Variants in RIF1 observed in about 807,000 individuals in gnomAD.
The protein encoded by RIF1 is replication timing regulatory factor 1, also known as telomere-associated protein RIF1.
In RIF1, 45 loss-of-function variants were observed where a neutral mutation model predicts 247.1. The ratio of observed to expected loss-of-function variants is 0.18; its 90% CI spans 0.14 to 0.23. RIF1 has a LOEUF of 0.23. RIF1 is among the 10% of genes least tolerant of loss of function. RIF1 has a pLI of 1.00. For missense variants in RIF1, 2,967 were observed against 2,862.5 expected (o/e 1.04, Z -0.83); for synonymous variants, 1,087 against 978.8 (o/e 1.11, Z -2.06).
intron 19 of RIF1, among the ~76,000 whole-genome samples, chr2:151,445,991 A>G (rs564472601): frequency 1.9e-4 from 29 of 152,234 alleles, no homozygotes; most frequent in African/African-American, 6.5e-4. Context: ...TGTGGGGGAA[A>G]GGTTATTACC....
intron 10 of RIF1, chr2:151,495,414 C>T (rs2059533749): frequency 1.3e-5 from 2 of 151,694 alleles, no homozygotes; most frequent in Admixed American, 6.6e-5. Context: ...CAGGACCCAG[C>T]AATCTGGCTT....
At chr2:151,414,792 G>C (rs1387766536) in intron 3 of RIF1, 31 bp from the exon 4 acceptor site, 1 of 1,498,216 alleles carries the variant, frequency 6.7e-7, no homozygotes, top group East Asian at 2.3e-5. Flanking sequence ...AGTTGTGCTT[G>C]TTTGTAATAA....
chr2:151,460,768 A>T (rs953968187), intron 26 of RIF1, among the ~76,000 whole-genome samples: 2 of 152,232 alleles, frequency 1.3e-5, no homozygotes, highest in African/African-American at 4.8e-5. Context: ...AGTTACTTGT[A>T]TGTAGGGCAT....
chr2:151,435,725 G>T, intron 11 of RIF1, 145 bp downstream of exon 11: 5 of 535,736 alleles, frequency 9.3e-6, no homozygotes, highest in South Asian at 3.3e-5. Flanking sequence ...TAATTTTTAG[G>T]TTCATTACCA....
In RIF1 at chr2:151,438,752, C is replaced by T; in HGVS notation, c.1546+6C>T. On this transcript the variant is annotated splice_donor_region_variant and intron_variant, in intron 14 of 35. Coordinates refer to ENST00000444746, the MANE Select transcript of RIF1 (RefSeq NM_018151.5). ...GAAGTCAGTTACTGAATCAGGTAAG[C>T]ACTATTACACTGATCAAATGTTGTT... is the stretch of plus-strand genomic sequence containing the variant. The T allele has an allele frequency of 6.3e-7, 1 of 1,580,450 alleles. No homozygotes were observed. Among genetic ancestry groups the T allele is most frequent in the Non-Finnish European group, 8.7e-7 (1 of 1,149,570 alleles).
chr2:151,462,648 AGTGTGTGTGT>A (rs112752759), intron 29 of RIF1, among the ~76,000 whole-genome samples, 182 bp downstream of exon 29: 4 of 150,734 alleles, frequency 2.7e-5, no homozygotes, highest in African/African-American at 9.7e-5. Flanking sequence ...GACACTAGTC[AGTGTGTGTGT>A]GTGTGTGTGT....
At chr2:151,527,787 C>T in the RIF1 span, among the ~76,000 whole-genome samples, 7 of 152,238 alleles carry the variant, frequency 4.6e-5, no homozygotes, top group East Asian at 1.2e-3. Flanking sequence ...CCTGTGGTCC[C>T]GAAATAGAGG....
chr2:151,431,278 A>G (rs1013136393), intron 9 of RIF1, among the ~76,000 whole-genome samples: 1 of 152,150 alleles, frequency 6.6e-6, no homozygotes, highest in Non-Finnish European at 1.5e-5. Context: ...TTCACAGCTT[A>G]CTCACCTATA....
chr2:151,465,714 A>G lies in RIF1; in HGVS notation c.6194A>G (p.Asn2065Ser), dbSNP rs1254612122. ...AACATGTTGACTGCAGAAATGGACA[A>G]CTTTGTTTGTGACACAGTTGAAATG... ...ETNMLTAEMD[N>S]FVCDTVEMST... is the part of the protein sequence containing the mutation. The change falls in exon 30 of 36, where the codon AAC becomes AGC. Residue 2065 changes from asparagine to serine, a missense_variant. Asn to Ser is a conservative substitution (Grantham distance 46). Coordinates refer to ENST00000444746, the MANE Select transcript of RIF1 (RefSeq NM_018151.5). 3 of 1,614,228 alleles carry G rather than the reference A, an allele frequency of 1.9e-6. No individual in the cohort carries two copies. Among genetic ancestry groups the G allele is most frequent in the South Asian group, 2.2e-5 (2 of 91,088 alleles).
intron 20 of RIF1, among the ~76,000 whole-genome samples, chr2:151,448,954 T>C (rs1263566689): frequency 2.6e-5 from 4 of 152,204 alleles, no homozygotes; most frequent in African/African-American, 9.6e-5. Flanking sequence ...TTTCACAAAA[T>C]ACCCTGTTGA....
intron 8 of RIF1, among the ~76,000 whole-genome samples, chr2:151,425,590 G>A (rs887947941): frequency 6.6e-6 from 1 of 150,426 alleles, no homozygotes; most frequent in Non-Finnish European, 1.5e-5. Flanking sequence ...TCATCCTTTT[G>A]CATGCAGATG....
Position 151,493,861 on chromosome 2 carries a change from A to G in RIF1, c.*416-1368A>G, listed in dbSNP as rs757420871. ...GTTGCTTTCCCCAGGTTCTCTTTGT[A>G]TAACACCTGTGAGATACAAAGTCAT... On this transcript the variant is annotated intron_variant and NMD_transcript_variant, in intron 9 of 13. Coordinates refer to the RIF1 transcript ENST00000454583. 2.6e-6 allele frequency: 4 copies of G among 1,556,140 alleles called. No individual in the cohort carries two copies. Among genetic ancestry groups the G allele is most frequent in the African/African-American group, 2.7e-5 (2 of 73,176 alleles).
the RIF1 span, chr2:151,531,834 T>C: frequency 1.9e-6 from 3 of 1,613,076 alleles, no homozygotes; most frequent in Admixed American, 3.3e-5. Flanking sequence ...GCAGGTGTTC[T>C]GGAGTATCCA....
At chr2:151,525,088 G>A in the RIF1 span, 5 of 1,050,584 alleles carry the variant, frequency 4.8e-6, no homozygotes, top group Non-Finnish European at 7.4e-6. Flanking sequence ...ACCACACACT[G>A]GAACAAGAGA....
chr2:151,488,238 G>C (rs2052767567), intron 9 of RIF1, among the ~76,000 whole-genome samples: 1 of 152,024 alleles, frequency 6.6e-6, no homozygotes, highest in Admixed American at 6.6e-5. Flanking sequence ...CTCCCAGTCT[G>C]ACATGTTTGT....
intron 13 of RIF1, chr2:151,507,651 G>C: frequency 4.4e-6 from 1 of 226,042 alleles, no homozygotes; most frequent in Admixed American, 5.1e-5. Flanking sequence ...ATATTTCCCT[G>C]TTTCTTTGGG....
rs753684965 is a variant in RIF1, at chr2:151,468,621, C to T, written c.6826-20C>T. The T allele has an allele frequency of 5.3e-5, 86 of 1,607,736 alleles. No homozygotes were observed. The highest frequency in any genetic ancestry group is 7.1e-5 in the Non-Finnish European group (83 of 1,174,360). On this transcript the variant is annotated intron_variant, in intron 32 of 35. Transcript: ENST00000444746. ...CAGTCAGTTGACCTCTGTGTAACAG[C>T]TTCTGAAATTTATTCTAAGATTTCA...
intron 19 of RIF1, 107 bp downstream of exon 19, chr2:151,445,552 T>C (rs1417870568): frequency 2.8e-6 from 2 of 712,630 alleles, no homozygotes; most frequent in African/African-American, 3.6e-5. Context: ...CTTTTTCTTT[T>C]TCTCTTTTTT....
intron 13 of RIF1, 86 bp downstream of exon 13, chr2:151,437,437 TC>T (rs1335087138): frequency 1.9e-6 from 2 of 1,032,786 alleles, no homozygotes; most frequent in Non-Finnish European, 3.0e-6. Flanking sequence ...ACACCTGTAA[TC>T]CCAGCACTTT....
Sources: allele counts gnomAD v4.1 joint callset (sites outside exome capture counted in the v4.1 genomes callset), GRCh38; gene constraint gnomAD v4.1.1; transcripts MANE v1.5; gene names NCBI Gene and HGNC (gene_info 2026-07-23, HGNC 2026-07-21).